The following VPS13C variants were observed in gnomAD, a reference collection of about 807,000 sequenced individuals.
VPS13C encodes the protein intermembrane lipid transfer protein VPS13C.
Under a neutral mutation model 456.8 loss-of-function variants are expected in VPS13C, and 358 were observed. That is an observed-to-expected ratio of 0.78 (90% CI 0.72 to 0.86). VPS13C has a LOEUF of 0.86. Ranked by LOEUF, VPS13C falls within the 40% of genes least tolerant of loss-of-function variation. VPS13C has a pLI of 0.00. For synonymous variants in VPS13C, 1,578 were observed against 1,486.7 expected (o/e 1.06, Z -1.41); for missense variants, 4,818 against 4,385.4 (o/e 1.10, Z -2.79).
intron 53 of VPS13C, among the ~76,000 whole-genome samples, chr15:61,923,233 A>C (rs1458680199): frequency 6.6e-6 from 1 of 151,340 alleles, no homozygotes; most frequent in Non-Finnish European, 1.5e-5. Context: ...GAAGAAAAAG[A>C]TATACATTTG....
Position 61,918,086 on chromosome 15 carries a change from A to G in VPS13C, c.7760+50T>C, listed in dbSNP as rs771329789. 4.6e-6 allele frequency: 7 copies of G among 1,514,354 alleles called. No individual in the cohort carries two copies. The African/African-American group carries it at 1.0e-4, about 22-fold the overall frequency. The allele number at this position is 1,514,354 out of a possible 1,614,324, so 93.8% of individuals were successfully genotyped here. ...ATATGAAGTTATTTGCCAGAATATA[A>G]ATCCCCAACTCAATACATTTAAAGT... On this transcript the variant is annotated intron_variant, in intron 59 of 84. Coordinates refer to ENST00000644861, the MANE Select transcript of VPS13C (RefSeq NM_020821.3).
chr15:61,869,375 C>G, intron 80 of VPS13C, 125 bp downstream of exon 80: 1 of 1,112,574 alleles, frequency 9.0e-7, no homozygotes, highest in Non-Finnish European at 1.2e-6. Flanking sequence ...TGTTTTAAAG[C>G]TACCACAGCT....
At chr15:61,957,143 CACA>C (rs1439719430) in intron 37 of VPS13C, among the ~76,000 whole-genome samples, 4 of 152,186 alleles carry the variant, frequency 2.6e-5, no homozygotes, top group Non-Finnish European at 2.9e-5. Flanking sequence ...TACTCCTATG[CACA>C]ACAACACGAA....
intron 13 of VPS13C, 22 bp from the exon 14 acceptor site, chr15:62,008,783 T>C (rs377635162): frequency 2.2e-6 from 3 of 1,391,876 alleles, no homozygotes; most frequent in African/African-American, 2.9e-5. Flanking sequence ...AAAATAAAAT[T>C]ATATTTATTA....
In VPS13C at chr15:61,907,258, A is replaced by T. The variant is rs200449323; in HGVS notation, c.9105+6T>A. ...TCATATAGCACTCATTCACATCAAAAGATACCTTTAACAGATCATGTTCCC... is the reference window on the plus strand; with the variant it reads ...TCATATAGCACTCATTCACATCAAATGATACCTTTAACAGATCATGTTCCC... On this transcript the variant is annotated splice_donor_region_variant and intron_variant, in intron 66 of 84. Transcript: ENST00000644861. 1.3e-5 allele frequency: 21 copies of T among 1,613,506 alleles called. No homozygotes were observed. Among genetic ancestry groups the T allele is most frequent in the Non-Finnish European group, 1.6e-5 (19 of 1,179,594 alleles).
Position 61,880,970 on chromosome 15 carries a change from T to A in VPS13C, c.9777-16A>T, listed in dbSNP as rs925291231. The A allele has an allele frequency of 6.4e-7, 1 of 1,556,390 alleles. No individual in the cohort carries two copies. The highest frequency in any genetic ancestry group is 8.7e-7 in the Non-Finnish European group (1 of 1,151,180). On this transcript the variant is annotated splice_polypyrimidine_tract_variant and intron_variant, in intron 71 of 84. Transcript: ENST00000644861. ...CATAAAATACCTAAGAAAAAAAATT[T>A]AAAATGGAAAAGGATTTCTACCAAA...
rs765319193 is a variant in VPS13C, at chr15:61,920,189, T to C, written c.7355A>G (p.Asp2452Gly). The change falls in exon 57 of 85, where the codon GAT (aspartate) becomes GGT (glycine). Residue 2452 changes from aspartate (D) to glycine (G), a missense_variant. Around this residue, in one of 3 missense-constraint regions of VPS13C, gnomAD observed 4,552 missense variants for 4,130.6 expected, o/e 1.10. Transcript: ENST00000644861. ...CTGGCCAGCATCAACATCAAAAATA[T>C]CACTTTTCTCAGGGAAGCCCATTAC... ...LRVMGFPEKS[D>G]IFDVDAGQNL... is the part of the protein sequence containing the mutation. The C allele has an allele frequency of 2.5e-6, 4 of 1,613,492 alleles. No individual in the cohort carries two copies. The highest frequency in any genetic ancestry group is 2.7e-5 in the African/African-American group (2 of 74,868).
In VPS13C at chr15:61,946,032, G is replaced by A. The variant is rs2113932; in HGVS notation, c.4981-150C>T. The A allele has an allele frequency of 0.42, 306,852 of 729,542 alleles. 67,273 individuals are homozygous for A. Among genetic ancestry groups the A allele is most frequent in the Middle Eastern group, 0.56 (1,448 of 2,600 alleles). 45.2% of individuals were successfully genotyped at this position (729,542 alleles called of 1,614,324 possible). A position where few individuals can be genotyped will look rare whatever the true frequency, so the allele number is the denominator to read the frequency against. The stretch of plus-strand genomic sequence containing the variant: ...AAATTATTAGCTAAAAACATTTTAC[G>A]TGACAATAACTTCTTCCTATTTCTA... On this transcript the variant is annotated intron_variant, in intron 44 of 84. Coordinates refer to ENST00000644861, the MANE Select transcript of VPS13C (RefSeq NM_020821.3).
intron 3 of VPS13C, among the ~76,000 whole-genome samples, chr15:62,040,842 C>T (rs1394822302): frequency 2.6e-5 from 4 of 152,060 alleles, no homozygotes; most frequent in Non-Finnish European, 4.4e-5. Flanking sequence ...TATAGATGGT[C>T]TTAGTGTAGG....
intron 82 of VPS13C, among the ~76,000 whole-genome samples, chr15:61,860,402 A>T (rs1288703798): frequency 6.6e-6 from 1 of 152,172 alleles, no homozygotes; most frequent in Non-Finnish European, 1.5e-5. Context: ...AACTGATACA[A>T]CCTTTCTGAA....
chr15:61,990,998 A>G lies in VPS13C; in HGVS notation c.1578+2T>C, dbSNP rs1046425054. The stretch of plus-strand genomic sequence containing the variant: ...ATTCCTTTAAACCACTTAAATAATT[A>G]CCTGCTTAGGTAAAGTTAGGTTGTG... On this transcript the variant is annotated splice_donor_variant, in intron 18 of 84. Transcript: ENST00000644861. LOFTEE classifies it high-confidence loss of function. 3.1e-6 allele frequency: 5 copies of G among 1,602,354 alleles called. No homozygotes were observed. In the African/African-American group the frequency reaches 6.7e-5, roughly 22 times the overall value.
intron 1 of VPS13C, 77 bp downstream of exon 1, chr15:62,060,198 G>T: frequency 1.3e-6 from 1 of 790,780 alleles, no homozygotes; most frequent in Admixed American, 2.4e-5. Flanking sequence ...AGCAGGGCCC[G>T]GGCAGAATCC....
At chr15:61,930,203 A>G (rs1209118651) in intron 50 of VPS13C, among the ~76,000 whole-genome samples, 1 of 152,228 alleles carries the variant, frequency 6.6e-6, no homozygotes, top group East Asian at 1.9e-4. Context: ...TGAGTCTGAA[A>G]GTATTCAATA....
At chr15:61,923,889 G>A (rs1306079282) in intron 53 of VPS13C, among the ~76,000 whole-genome samples, 2 of 48,006 alleles carry the variant, frequency 4.2e-5, no homozygotes, top group African/African-American at 9.5e-5. Context: ...TTTTTGAGAC[G>A]GAGTCTCGCT....
chr15:61,893,615 C>T (rs1221827440), intron 66 of VPS13C, among the ~76,000 whole-genome samples: 2 of 149,142 alleles, frequency 1.3e-5, no homozygotes, highest in Non-Finnish European at 3.0e-5. Context: ...GGTGTATAAT[C>T]CACTCATATA....
At chr15:62,039,775 T>C (rs2048181013) in intron 3 of VPS13C, among the ~76,000 whole-genome samples, 1 of 152,096 alleles carries the variant, frequency 6.6e-6, no homozygotes, top group Admixed American at 6.6e-5. Context: ...TAAATTATTA[T>C]GGCCACTATG....
intron 52 of VPS13C, 108 bp downstream of exon 52, chr15:61,926,983 A>G (rs904428538): frequency 8.0e-6 from 8 of 997,040 alleles, no homozygotes; most frequent in Non-Finnish European, 1.2e-5. Context: ...CCAAGTTCAC[A>G]ATAAATAATC....
At chr15:61,882,423 G>A (rs1426716806) in intron 69 of VPS13C, among the ~76,000 whole-genome samples, 173 bp downstream of exon 69, 1 of 152,120 alleles carries the variant, frequency 6.6e-6, no homozygotes, top group Admixed American at 6.6e-5. Flanking sequence ...TAACAGTCAC[G>A]AAGTTTATAA....
chr15:62,039,393 T>C (rs180706383), intron 3 of VPS13C, among the ~76,000 whole-genome samples: 68 of 152,064 alleles, frequency 4.5e-4, no homozygotes, highest in Non-Finnish European at 5.9e-5. Flanking sequence ...TGGGTACAAA[T>C]AGACATAAAT....
Sources: gnomAD v4.1 joint callset for allele counts (sites outside exome capture counted in the v4.1 genomes callset) on GRCh38, gnomAD v4.1.1 for gene constraint, gnomAD v4.1.1 regional missense constraint, MANE v1.5 for transcripts, NCBI Gene and HGNC (gene_info 2026-07-23, HGNC 2026-07-21) for gene names.